SNX9: variants seen among roughly 807,000 people sequenced by gnomAD.
The protein encoded by SNX9 is sorting nexin-9.
Under a neutral mutation model 89.4 loss-of-function variants are expected in SNX9, and 44 were observed. The ratio of observed to expected loss-of-function variants is 0.49; its 90% confidence interval spans 0.39 to 0.63. SNX9 has a LOEUF of 0.63. Ranked by LOEUF, SNX9 falls within the 30% of genes least tolerant of loss-of-function variation. SNX9 has a pLI of 0.00. For synonymous variants in SNX9, 236 were observed against 247.8 expected (o/e 0.95, Z 0.45); for missense variants, 578 against 736.1 (o/e 0.79, Z 2.49).
chr6:157,888,059 T>TTGGCCTTTGCTCC (rs112145320), intron 4 of SNX9, among the ~76,000 whole-genome samples: 17,459 of 152,120 alleles, frequency 0.11, 1,524 homozygotes, highest in African/African-American at 0.25. Flanking sequence ...CCGGGAGACA[T>TTGGCCTTTGCTCC]TGTGTTCACA....
intron 7 of SNX9, 26 bp downstream of exon 7, chr6:157,906,238 T>G (rs1277100104): frequency 6.4e-7 from 1 of 1,561,026 alleles, no homozygotes; most frequent in East Asian, 2.3e-5. Flanking sequence ...TTTGTTTGCT[T>G]TCTTTCTGAT....
intron 1 of SNX9, among the ~76,000 whole-genome samples, chr6:157,862,439 AACTTC>A (rs1477123283): frequency 1.3e-5 from 2 of 152,224 alleles, no homozygotes; most frequent in Non-Finnish European, 2.9e-5. Flanking sequence ...CTTTATGCAA[AACTTC>A]ACTTCTCGAG....
chr6:157,928,332 G>C (rs928004056), intron 11 of SNX9, among the ~76,000 whole-genome samples: 1 of 152,142 alleles, frequency 6.6e-6, no homozygotes, highest in African/African-American at 2.4e-5. Flanking sequence ...AGATATTCAA[G>C]AAATTATTAT....
Position 157,938,740 on chromosome 6 carries a change from G to A in SNX9, c.1641G>A (p.Ala547=), listed in dbSNP as rs1339779649. ...AGAGAGTCAGCATCATGTCTTACGCGTTGCAAGGTAAGATGAAAGGGTCCT... is the reference window on the plus strand; with the variant it reads ...AGAGAGTCAGCATCATGTCTTACGCATTGCAAGGTAAGATGAAAGGGTCCT... ...MVKRVSIMSY[A]LQAEMNHFHS... is the part of the protein sequence containing the mutation. The change falls in exon 16 of 18, where the codon GCG becomes GCA. Residue 547 remains alanine, a synonymous_variant. Coordinates refer to ENST00000392185, the MANE Select transcript of SNX9 (RefSeq NM_016224.5). 9.9e-6 allele frequency: 16 copies of A among 1,612,072 alleles called. No homozygotes were observed. Among genetic ancestry groups the A allele is most frequent in the Middle Eastern group, 1.6e-4 (1 of 6,078 alleles).
At chr6:157,915,647 A>ATATATATATATATATG (rs1783449812) in intron 9 of SNX9, among the ~76,000 whole-genome samples, 1 of 123,276 alleles carries the variant, frequency 8.1e-6, no homozygotes, top group Non-Finnish European at 1.8e-5. Flanking sequence ...AAAAATATAT[A>ATATATATATATATATG]TATATATATA....
chr6:157,933,869 T>A (rs1783867589), intron 13 of SNX9, among the ~76,000 whole-genome samples: 1 of 152,240 alleles, frequency 6.6e-6, no homozygotes, highest in South Asian at 2.1e-4. Context: ...AATACATAAT[T>A]AAATGTTCCA....
Position 157,943,007 on chromosome 6 carries a change from T to C in SNX9, c.*169T>C. 3.6e-6 allele frequency: 2 copies of C among 562,992 alleles called. No homozygotes were observed. The highest frequency in any genetic ancestry group is 7.3e-5 in the Admixed American group (2 of 27,454). 34.9% of individuals were successfully genotyped at this position (562,992 alleles called of 1,614,324 possible). ...TTAGCCACCCTAAATGCGTCAGTTA[T>C]TTAGGGATGGTCTTTTGTTCATTTC... On this transcript the variant is annotated 3_prime_UTR_variant, in exon 18 of 18. Transcript: ENST00000392185.
At chr6:157,932,512 G>A (rs894717372) in intron 13 of SNX9, among the ~76,000 whole-genome samples, 1 of 151,980 alleles carries the variant, frequency 6.6e-6, no homozygotes, top group African/African-American at 2.4e-5. Flanking sequence ...TTGCTCTCTG[G>A]TGTAGCGCTT....
At chr6:157,837,989 T>A (rs992351526) in intron 1 of SNX9, among the ~76,000 whole-genome samples, 2 of 152,146 alleles carry the variant, frequency 1.3e-5, no homozygotes, top group South Asian at 4.1e-4. Flanking sequence ...TTGACAGAAA[T>A]ATTCAGTATG....
At chr6:157,915,623 T>TAA (rs1172699831) in intron 9 of SNX9, among the ~76,000 whole-genome samples, 74 of 71,228 alleles carry the variant, frequency 1.0e-3, no homozygotes, top group East Asian at 5.1e-3. Flanking sequence ...CCATCTCTAC[T>TAA]AAAAAAAAAA....
At chr6:157,878,405 A>T (rs1173128323) in intron 4 of SNX9, among the ~76,000 whole-genome samples, 44 of 151,346 alleles carry the variant, frequency 2.9e-4, no homozygotes, top group Admixed American at 2.9e-3. Context: ...CATTTTTTTT[A>T]TGATCTTGGA....
At chr6:157,907,895 G>GCCT in intron 7 of SNX9, among the ~76,000 whole-genome samples, 1 of 152,340 alleles carries the variant, frequency 6.6e-6, no homozygotes, top group South Asian at 2.1e-4. Flanking sequence ...ACTCACTGAG[G>GCCT]GAGGTCCCGA....
intron 16 of SNX9, 131 bp from the exon 17 acceptor site, chr6:157,940,751 TA>T: frequency 1.4e-6 from 1 of 728,228 alleles, no homozygotes; most frequent in South Asian, 1.8e-5. Flanking sequence ...TAAAGTGATT[TA>T]CCAAGAACTG....
At chr6:157,915,653 A>G (rs1343594069) in intron 9 of SNX9, among the ~76,000 whole-genome samples, 3 of 133,428 alleles carry the variant, frequency 2.2e-5, no homozygotes, top group East Asian at 4.1e-4. Flanking sequence ...ATATATATAT[A>G]TATACACACA....
chr6:157,911,931 C>T (rs1289085495), intron 9 of SNX9, among the ~76,000 whole-genome samples: 1 of 152,124 alleles, frequency 6.6e-6, no homozygotes, highest in Non-Finnish European at 1.5e-5. Flanking sequence ...AACACATCTC[C>T]CCAGTCCCCT....
chr6:157,829,472 GA>G (rs1208165567), intron 1 of SNX9: 3 of 152,240 alleles, frequency 2.0e-5, no homozygotes, highest in African/African-American at 7.2e-5. Flanking sequence ...ACATATTATT[GA>G]TGTGTGTGTC....
intron 1 of SNX9, among the ~76,000 whole-genome samples, chr6:157,839,644 G>C (rs1272796396): frequency 6.6e-6 from 1 of 152,214 alleles, no homozygotes; most frequent in African/African-American, 2.4e-5. Flanking sequence ...TCCTGCTGGG[G>C]AAGCAGACCT....
chr6:157,835,412 CTTTTTTT>C (rs757017383), intron 1 of SNX9, among the ~76,000 whole-genome samples: 1 of 130,716 alleles, frequency 7.7e-6, no homozygotes, highest in African/African-American at 2.8e-5. Flanking sequence ...CATTCCCCTT[CTTTTTTT>C]TTTTTTTTTT....
At chr6:157,929,913 C>T (rs752833967) in intron 12 of SNX9, among the ~76,000 whole-genome samples, 3 of 152,138 alleles carry the variant, frequency 2.0e-5, no homozygotes, top group South Asian at 2.1e-4. Context: ...AACCATGGTC[C>T]GAGCACCATA....
Sources: gnomAD v4.1 joint callset for allele counts (sites outside exome capture counted in the v4.1 genomes callset) on GRCh38, gnomAD v4.1.1 for gene constraint, MANE v1.5 for transcripts, NCBI Gene and HGNC (gene_info 2026-07-23, HGNC 2026-07-21) for gene names.